Variants in GALNT13 observed in about 807,000 individuals in gnomAD.
The protein encoded by GALNT13 is UDP-GalNAc:polypeptide N-acetylgalactosaminyltransferase 13.
In GALNT13, 28 loss-of-function variants were observed where a neutral mutation model predicts 64.2. That is an observed-to-expected ratio of 0.44 (90% CI 0.32 to 0.60). GALNT13 has a LOEUF of 0.60. GALNT13 is among the 20% of genes least tolerant of loss of function. The pLI is 0.05. For synonymous variants in GALNT13, 214 were observed against 224.6 expected (o/e 0.95, Z 0.42); for missense variants, 577 against 669.8 (o/e 0.86, Z 1.53).
intron 9 of GALNT13, among the ~76,000 whole-genome samples, chr2:154,345,165 T>A (rs1463158890): frequency 1.3e-5 from 2 of 152,074 alleles, no homozygotes; most frequent in African/African-American, 4.8e-5. Flanking sequence ...GCTTCACTCC[T>A]AAAGATATTG....
the GALNT13 span, among the ~76,000 whole-genome samples, chr2:153,403,544 G>A: frequency 3.5e-4 from 54 of 152,330 alleles, no homozygotes; most frequent in Admixed American, 7.2e-4. Context: ...CCACCTTGCA[G>A]TTTGATCTCA....
intron 8 of GALNT13, among the ~76,000 whole-genome samples, chr2:154,269,926 T>TATTTATATATATGTGTATATATATA: frequency 3.0e-5 from 1 of 33,344 alleles, no homozygotes; most frequent in Non-Finnish European, 7.6e-5. Flanking sequence ...ATATATATAT[T>TATTTATATATATGTGTATATATATA]TCTAAAGCAC....
chr2:153,588,863 C>T, the GALNT13 span, among the ~76,000 whole-genome samples: 2 of 152,170 alleles, frequency 1.3e-5, no homozygotes, highest in Non-Finnish European at 2.9e-5. Context: ...GAATGATTTG[C>T]TGCTTAGAAA....
chr2:154,309,942 T>G (rs1559082868), intron 9 of GALNT13, among the ~76,000 whole-genome samples: 3 of 152,150 alleles, frequency 2.0e-5, no homozygotes, highest in South Asian at 4.1e-4. Context: ...TTGCCCAACT[T>G]TCCAGTCTTT....
the GALNT13 span, among the ~76,000 whole-genome samples, chr2:153,185,660 T>C: frequency 1.9e-4 from 29 of 152,364 alleles, no homozygotes; most frequent in African/African-American, 7.0e-4. Context: ...CACGGTCTCT[T>C]TGTTCTCATT....
the GALNT13 span, among the ~76,000 whole-genome samples, chr2:153,685,874 A>G: frequency 6.6e-6 from 1 of 151,620 alleles, no homozygotes; most frequent in African/African-American, 2.4e-5. Flanking sequence ...GCATATAGCT[A>G]GTCAGCAGCA....
At chr2:153,438,321 G>T in the GALNT13 span, among the ~76,000 whole-genome samples, 1 of 152,146 alleles carries the variant, frequency 6.6e-6, no homozygotes, top group East Asian at 1.9e-4. Context: ...TGCTCTTCTC[G>T]AGGATTATCT....
chr2:154,176,365 C>A (rs1226618508), intron 4 of GALNT13, among the ~76,000 whole-genome samples: 1 of 151,262 alleles, frequency 6.6e-6, no homozygotes, highest in African/African-American at 2.4e-5. Context: ...ACCTCCGCCT[C>A]CTGGGTTCTC....
At chr2:154,250,868 A>T (rs1690032707) in intron 7 of GALNT13, among the ~76,000 whole-genome samples, 1 of 152,118 alleles carries the variant, frequency 6.6e-6, no homozygotes, top group Admixed American at 6.6e-5. Flanking sequence ...AGATATGAAA[A>T]CAACAGCACA....
chr2:153,715,167 A>C, the GALNT13 span, among the ~76,000 whole-genome samples: 6 of 152,216 alleles, frequency 3.9e-5, no homozygotes, highest in Non-Finnish European at 7.4e-5. Flanking sequence ...CACACAGCTC[A>C]GTTATTAACT....
intron 9 of GALNT13, among the ~76,000 whole-genome samples, chr2:154,331,469 A>T (rs1695163719): frequency 6.6e-6 from 1 of 150,562 alleles, no homozygotes; most frequent in African/African-American, 2.4e-5. Flanking sequence ...TGCCCACACA[A>T]TTTTTTTTTT....
intron 9 of GALNT13, among the ~76,000 whole-genome samples, chr2:154,373,407 C>G (rs1210209247): frequency 6.6e-6 from 1 of 152,124 alleles, no homozygotes. Context: ...TTCTGACTGT[C>G]CATGTCTTGA....
At chr2:153,277,936 T>TTTTTTTTTTTTTTTTTTTTTTTTTTTC in the GALNT13 span, among the ~76,000 whole-genome samples, 1 of 104,740 alleles carries the variant, frequency 9.5e-6, no homozygotes, top group Non-Finnish European at 2.2e-5. Flanking sequence ...TCTTTTTTTT[T>TTTTTTTTTTTTTTTTTTTTTTTTTTTC]TTTTTTTTGA....
chr2:153,175,671 A>G, the GALNT13 span, among the ~76,000 whole-genome samples: 1 of 152,194 alleles, frequency 6.6e-6, no homozygotes, highest in African/African-American at 2.4e-5. Flanking sequence ...TCAGGTAGAA[A>G]CACTAGGTAG....
At chr2:153,969,313 C>T (rs1487315351) in intron 3 of GALNT13, among the ~76,000 whole-genome samples, 1 of 151,750 alleles carries the variant, frequency 6.6e-6, no homozygotes, top group African/African-American at 2.4e-5. Context: ...AAATCTAATT[C>T]CTTCAATTAG....
the GALNT13 span, among the ~76,000 whole-genome samples, chr2:153,193,664 C>A: frequency 5.9e-5 from 8 of 135,448 alleles, 1 homozygote; most frequent in East Asian, 1.0e-3. Context: ...AAAAAAAAAA[C>A]TTTTGAATCC....
the GALNT13 span, among the ~76,000 whole-genome samples, chr2:153,109,004 A>T: frequency 6.6e-6 from 1 of 152,152 alleles, no homozygotes; most frequent in Non-Finnish European, 1.5e-5. Context: ...TGTTTTGAAG[A>T]TTCTGATAAA....
chr2:153,132,329 G>A, the GALNT13 span, among the ~76,000 whole-genome samples: 1 of 152,300 alleles, frequency 6.6e-6, no homozygotes, highest in Non-Finnish European at 1.5e-5. Flanking sequence ...CCAGGTCTCA[G>A]CTGTGGGGAG....
intron 4 of GALNT13, among the ~76,000 whole-genome samples, chr2:154,158,845 A>G (rs1249915639): frequency 3.3e-5 from 5 of 152,154 alleles, no homozygotes; most frequent in Non-Finnish European, 5.9e-5. Context: ...CATGCTGAGC[A>G]TTCCAATAAT....
Sources: allele counts gnomAD v4.1 joint callset (sites outside exome capture counted in the v4.1 genomes callset), GRCh38; gene constraint gnomAD v4.1.1; transcripts MANE v1.5; gene names NCBI Gene and HGNC (gene_info 2026-07-23, HGNC 2026-07-21).